The following CTIF variants were observed in gnomAD, a reference collection of about 807,000 sequenced individuals.
CTIF encodes the protein cap binding complex dependent translation initiation factor.
A neutral mutation model predicts 66.0 loss-of-function variants in CTIF; 21 were observed. That is an observed-to-expected ratio of 0.32 (90% CI 0.23 to 0.46). The LOEUF is 0.46. Among genes scored for constraint, CTIF ranks in the 20% least tolerant of loss-of-function variants. CTIF has a pLI of 1.00. For missense variants in CTIF, 739 were observed against 812.7 expected, an observed-to-expected ratio of 0.91 and a Z score of 1.10; for synonymous variants, 345 against 326.4, an observed-to-expected ratio of 1.06 and a Z score of -0.62.
At chr18:48,730,048 C>T (rs1177209608) in intron 7 of CTIF, among the ~76,000 whole-genome samples, 2 of 152,196 alleles carry the variant, frequency 1.3e-5, no homozygotes, top group African/African-American at 2.4e-5. Flanking sequence ...GCTGTGCTGC[C>T]CAGCGCAGTC....
At chr18:48,619,956 C>A (rs960643349) in intron 2 of CTIF, among the ~76,000 whole-genome samples, 3 of 152,188 alleles carry the variant, frequency 2.0e-5, no homozygotes, top group African/African-American at 7.2e-5. Flanking sequence ...AACCCACCTC[C>A]ACTCCTCCCT....
At chr18:48,586,722 T>A (rs1304595742) in intron 1 of CTIF, among the ~76,000 whole-genome samples, 1 of 152,240 alleles carries the variant, frequency 6.6e-6, no homozygotes, top group Non-Finnish European at 1.5e-5. Flanking sequence ...ATTTTTGATG[T>A]ATTTATGTCT....
chr18:48,698,903 C>T (rs1172556192), intron 6 of CTIF, among the ~76,000 whole-genome samples: 1 of 152,110 alleles, frequency 6.6e-6, no homozygotes, highest in Non-Finnish European at 1.5e-5. Flanking sequence ...CTGTGGCATC[C>T]CCAGCACCTA....
chr18:48,822,471 C>G (rs929569780), intron 10 of CTIF, among the ~76,000 whole-genome samples: 1 of 151,440 alleles, frequency 6.6e-6, no homozygotes, highest in African/African-American at 2.4e-5. Context: ...GTACCCATTA[C>G]CCAACCACTC....
At chr18:48,840,190 A>G (rs929742361) in intron 10 of CTIF, among the ~76,000 whole-genome samples, 5 of 152,224 alleles carry the variant, frequency 3.3e-5, no homozygotes, top group Admixed American at 6.5e-5. Context: ...GAGAATTGTC[A>G]GCAAAACCCA....
chr18:48,827,757 C>T (rs1488932146), intron 10 of CTIF, among the ~76,000 whole-genome samples: 1 of 152,122 alleles, frequency 6.6e-6, no homozygotes, highest in Non-Finnish European at 1.5e-5. Flanking sequence ...TATGAATACC[C>T]CAGCTTAAGC....
At chr18:48,646,388 T>C (rs2091031349) in intron 3 of CTIF, among the ~76,000 whole-genome samples, 1 of 151,372 alleles carries the variant, frequency 6.6e-6, no homozygotes, top group African/African-American at 2.4e-5. Flanking sequence ...TATACTCCAA[T>C]CAGAATGGTT....
intron 1 of CTIF, chr18:48,567,854 C>T (rs558535194): frequency 6.6e-6 from 1 of 152,400 alleles, no homozygotes; most frequent in East Asian, 1.9e-4. Context: ...GGTTTTGCAG[C>T]AGAGCAGTAC....
At chr18:48,674,725 C>T (rs2091596930) in intron 6 of CTIF, among the ~76,000 whole-genome samples, 1 of 152,154 alleles carries the variant, frequency 6.6e-6, no homozygotes, top group Non-Finnish European at 1.5e-5. Context: ...GGATGTGGGG[C>T]AACAGGGTAG....
At chr18:48,787,328 CAGAAAG>C (rs1402728890) in intron 9 of CTIF, among the ~76,000 whole-genome samples, 1 of 151,354 alleles carries the variant, frequency 6.6e-6, no homozygotes. Flanking sequence ...GAAAGAAAGA[CAGAAAG>C]AGAGGGAGGG....
intron 9 of CTIF, among the ~76,000 whole-genome samples, chr18:48,783,034 A>G (rs1401291281): frequency 6.6e-6 from 1 of 152,214 alleles, no homozygotes; most frequent in Non-Finnish European, 1.5e-5. Flanking sequence ...CTTCATCTCC[A>G]ATTAACATTT....
chr18:48,793,678 A>C (rs2067844355), intron 9 of CTIF, among the ~76,000 whole-genome samples: 1 of 152,124 alleles, frequency 6.6e-6, no homozygotes. Flanking sequence ...GCCCAGCTCA[A>C]GTTTATCTTC....
chr18:48,662,151 T>C (rs2144889682), intron 3 of CTIF: 1 of 152,552 alleles, frequency 6.6e-6, no homozygotes, highest in South Asian at 2.1e-4. Flanking sequence ...TGAGCCAATC[T>C]TTGACAGATG....
chr18:48,690,739 G>A (rs1413074150), intron 6 of CTIF, among the ~76,000 whole-genome samples: 1 of 151,376 alleles, frequency 6.6e-6, no homozygotes, highest in African/African-American at 2.4e-5. Flanking sequence ...AGCCTGCCCC[G>A]CTCCACCTCT....
At chr18:48,853,448 C>A (rs1014184679) in intron 10 of CTIF, among the ~76,000 whole-genome samples, 14 of 152,166 alleles carry the variant, frequency 9.2e-5, no homozygotes, top group Non-Finnish European at 1.5e-4. Context: ...GGATGCGAGA[C>A]CCCGAGGGTC....
At chr18:48,589,356 C>T (rs947422308) in intron 1 of CTIF, among the ~76,000 whole-genome samples, 45 of 152,130 alleles carry the variant, frequency 3.0e-4, no homozygotes, top group African/African-American at 1.0e-3. Flanking sequence ...AGGGCTATGC[C>T]GGTCCCCTGC....
rs3082465 is a variant in CTIF at position 48,687,305 on chromosome 18, G to GACACACACACACAC, written c.507+16594_507+16607dup. Among the ~76,000 whole-genome samples the GACACACACACACAC allele has an allele frequency of 3.7e-3, 471 of 128,626 alleles. 4 individuals are homozygous for GACACACACACACAC. Among genetic ancestry groups the GACACACACACACAC allele is most frequent in the Middle Eastern group, 0.011 (3 of 262 alleles). The allele number at this position is 128,626 out of a possible 152,430, so 84.4% of individuals were successfully genotyped here. ...TGTTGTTCAAAGAACTCTAGGAGGGGACACACACACACACACACACACACA... is the reference window on the plus strand; with the variant it reads ...TGTTGTTCAAAGAACTCTAGGAGGGGACACACACACACACACACACACACACACACACACACACA... On this transcript the variant is annotated intron_variant, in intron 6 of 11. Transcript: ENST00000256413.
chr18:48,549,604 C>A (rs188720287), intron 1 of CTIF, among the ~76,000 whole-genome samples: 1 of 152,202 alleles, frequency 6.6e-6, no homozygotes, highest in Non-Finnish European at 1.5e-5. Context: ...CTGCTCCGGG[C>A]ATCATGTTCT....
intron 5 of CTIF, 117 bp from the exon 6 acceptor site, chr18:48,670,552 C>A: frequency 1.1e-6 from 1 of 886,056 alleles, no homozygotes; most frequent in Non-Finnish European, 1.9e-6. Flanking sequence ...CCCTGCAGGG[C>A]TTGAGGGTGG....
Sources: allele counts gnomAD v4.1 joint callset (sites outside exome capture counted in the v4.1 genomes callset), GRCh38; gene constraint gnomAD v4.1.1; transcripts MANE v1.5; gene names NCBI Gene and HGNC (gene_info 2026-07-23, HGNC 2026-07-21).